Variants in MYCBPAP observed in about 807,000 individuals in gnomAD.
The protein encoded by MYCBPAP is MYCBP-associated protein.
MYCBPAP carries 60 observed loss-of-function variants against 106.1 expected under a neutral mutation model. That is an observed-to-expected ratio of 0.57 (90% CI 0.46 to 0.70). The LOEUF is 0.70. MYCBPAP is among the 30% of genes least tolerant of loss of function. The pLI, the probability that MYCBPAP is intolerant of heterozygous loss-of-function variation, is 0.00. For missense variants in MYCBPAP, 1,064 were observed against 1,169.3 expected (o/e 0.91, Z 1.31); for synonymous variants, 407 against 440.6 (o/e 0.92, Z 0.95).
Position 50,517,523 on chromosome 17 carries a change from C to T in MYCBPAP, c.364+71C>T, listed in dbSNP as rs771506892. 4 of 1,613,660 alleles carry T rather than the reference C, an allele frequency of 2.5e-6. No homozygotes were observed. The South Asian group carries it at 4.4e-5, about 18-fold the overall frequency. Reference sequence around the variant, plus strand: ...GTCAGCCTCAAGAGAAACCCAGTCTCCATCAGAAAGTTGCCCTCTTGAAAG... The same window carrying T: ...GTCAGCCTCAAGAGAAACCCAGTCTTCATCAGAAAGTTGCCCTCTTGAAAG... On this transcript the variant is annotated intron_variant, in intron 3 of 18. Transcript: ENST00000323776.
intron 6 of MYCBPAP, 43 bp downstream of exon 6, chr17:50,519,132 T>A: frequency 1.3e-6 from 1 of 746,148 alleles, no homozygotes; most frequent in Non-Finnish European, 1.9e-6. Flanking sequence ...GGGGGGTCCA[T>A]GGAGGAGGGG....
At chr17:50,522,816 C>T (rs2034323646) in intron 10 of MYCBPAP, 123 bp from the exon 11 acceptor site, 1 of 912,664 alleles carries the variant, frequency 1.1e-6, no homozygotes, top group South Asian at 1.8e-5. Flanking sequence ...TGGCCAAGCC[C>T]TGGAGGCCTG....
Position 50,508,715 on chromosome 17 carries a change from C to T in MYCBPAP, c.41C>T (p.Pro14Leu). The change falls in exon 1 of 19, where the codon CCG becomes CTG. Residue 14 changes from proline to leucine, a missense_variant. Physicochemically the swap from Pro to Leu is moderately conservative, Grantham distance 98. Transcript: ENST00000323776. ...AAGGATTCCCGCCTCAGAATAACTC[C>T]GACCAGATTATTAGAGGCCTCAGAG... ...LKKDSRLRITPTRLLEASENV... is the reference protein window; with the variant it reads ...LKKDSRLRITLTRLLEASENV... The T allele has an allele frequency of 1.2e-6, 2 of 1,611,784 alleles. No homozygotes were observed. The highest frequency in any genetic ancestry group is 1.7e-6 in the Non-Finnish European group (2 of 1,178,910).
At chr17:50,516,522 T>C (rs202221446) in intron 1 of MYCBPAP, 48 bp from the exon 2 acceptor site, 2 of 1,600,340 alleles carry the variant, frequency 1.2e-6, no homozygotes, top group Admixed American at 1.7e-5. Context: ...TATTGATATA[T>C]ACAGAAGGAG....
chr17:50,522,709 A>AAATATATATATATATATATATATAT, intron 10 of MYCBPAP: 2 of 50,014 alleles, frequency 4.0e-5, no homozygotes, highest in Non-Finnish European at 6.8e-5. Context: ...AAAAAAAAAA[A>AAATATATATATATATATATATATAT]ATATATATAT....
intron 3 of MYCBPAP, 35 bp from the exon 4 acceptor site, chr17:50,517,560 C>G: frequency 6.2e-7 from 1 of 1,613,496 alleles, no homozygotes; most frequent in African/African-American, 1.3e-5. Context: ...TGTCCACCCA[C>G]AGCTTCTTTC....
chr17:50,511,771 G>A (rs2033857339), intron 1 of MYCBPAP, among the ~76,000 whole-genome samples: 1 of 152,168 alleles, frequency 6.6e-6, no homozygotes, highest in African/African-American at 2.4e-5. Context: ...AGCTGGGCCT[G>A]TATAGGCTCA....
intron 1 of MYCBPAP, among the ~76,000 whole-genome samples, chr17:50,513,218 C>CA (rs1190873215): frequency 0.33 from 20,315 of 62,462 alleles, 3,313 homozygotes; most frequent in African/African-American, 0.45. Flanking sequence ...AACTCCATCT[C>CA]AAAAAAAAAA....
chr17:50,527,206 C>A (rs2034489969), intron 14 of MYCBPAP, 81 bp from the exon 15 acceptor site: 2 of 1,575,714 alleles, frequency 1.3e-6, no homozygotes, highest in Admixed American at 3.4e-5. Flanking sequence ...CCCCTGCCAC[C>A]CATCCCCACA....
intron 10 of MYCBPAP, chr17:50,522,709 A>AAAATAT: frequency 8.0e-5 from 4 of 50,016 alleles, no homozygotes; most frequent in African/African-American, 4.8e-4. Flanking sequence ...AAAAAAAAAA[A>AAAATAT]ATATATATAT....
rs1385375337 is a variant in MYCBPAP at position 50,508,745 on chromosome 17, T to C, written c.71T>C (p.Val24Ala). ...AGATTATTAGAGGCCTCAGAGAATG[T>C]CAAAGGTTGGCGCTGGCTGCCTTGG... Reference protein sequence around the residue: ...PTRLLEASENVKEKKRAKGPE... With the variant: ...PTRLLEASENAKEKKRAKGPE... The change falls in exon 1 of 19, where the codon GTC becomes GCC. Residue 24 changes from valine to alanine, a missense_variant. Transcript: ENST00000323776. 6.2e-7 allele frequency: 1 copy of C among 1,609,602 alleles called. No homozygotes were observed. The highest frequency in any genetic ancestry group is 8.5e-7 in the Non-Finnish European group (1 of 1,177,754).
rs1191795864 is a variant in MYCBPAP, at chr17:50,522,967, C to A, written c.1286C>A (p.Thr429Asn). ...KRQVGIAAHL[T>N]FETLEGEKTS... The stretch of plus-strand genomic sequence containing the variant: ...CAGGTTGGGATTGCTGCTCACTTGA[C>A]CTTTGAAACCCTAGAAGGCGAGAAA... The change falls in exon 11 of 19, where the codon ACC (threonine) becomes AAC (asparagine). Residue 429 changes from threonine to asparagine, a missense_variant. Transcript: ENST00000323776. 1.9e-6 allele frequency: 3 copies of A among 1,612,640 alleles called. No individual in the cohort carries two copies. Among genetic ancestry groups the A allele is most frequent in the Non-Finnish European group, 2.5e-6 (3 of 1,179,038 alleles).
At chr17:50,520,955 A>C (rs1293020914) in intron 7 of MYCBPAP, 155 bp from the exon 8 acceptor site, 3 of 625,312 alleles carry the variant, frequency 4.8e-6, no homozygotes, top group Non-Finnish European at 8.5e-6. Flanking sequence ...GAGGTATAGG[A>C]CAGGAGAACG....
rs764432022 is a variant in MYCBPAP at position 50,529,219 on chromosome 17, T to G, written c.2724+31T>G. On this transcript the variant is annotated intron_variant, in intron 18 of 18. Transcript: ENST00000323776. ...GGGAAGCGCCCAGCAGCCATTCCCC[T>G]GCCTCCCACCTGCCTTATTCATTCC... 8 of 1,593,680 alleles carry G rather than the reference T, an allele frequency of 5.0e-6. No individual in the cohort carries two copies. The South Asian group carries it at 8.9e-5, about 18-fold the overall frequency.
intron 15 of MYCBPAP, 72 bp from the exon 16 acceptor site, chr17:50,528,083 G>A: frequency 6.1e-6 from 8 of 1,303,596 alleles, no homozygotes; most frequent in Non-Finnish European, 8.7e-6. Flanking sequence ...TTGAAGGGAG[G>A]GACCCAAGCC....
intron 1 of MYCBPAP, chr17:50,515,710 G>T (rs2034023455): frequency 6.6e-6 from 1 of 152,232 alleles, no homozygotes; most frequent in Non-Finnish European, 1.5e-5. Context: ...GGGAACCACT[G>T]ATTTAGTCCA....
At chr17:50,524,711 C>G (rs990432328) in intron 12 of MYCBPAP, among the ~76,000 whole-genome samples, 166 bp from the exon 13 acceptor site, 3 of 138,846 alleles carry the variant, frequency 2.2e-5, no homozygotes, top group African/African-American at 8.8e-5. Context: ...TTAGAACAGG[C>G]GTGTGTGTGT....
At chr17:50,523,518 A>T in intron 11 of MYCBPAP, 79 bp from the exon 12 acceptor site, 1 of 1,451,280 alleles carries the variant, frequency 6.9e-7, no homozygotes, top group Non-Finnish European at 9.6e-7. Context: ...GGACTCAGTT[A>T]ACTGCATGTA....
Position 50,517,588 on chromosome 17 carries a change from C to A in MYCBPAP, c.365-7C>A. ...CTTCTTTCCCCTTTCTTCTTTTATCCTCCCAGGTCCCGGTGACAGCTTCGA... is the reference window on the plus strand; with the variant it reads ...CTTCTTTCCCCTTTCTTCTTTTATCATCCCAGGTCCCGGTGACAGCTTCGA... On this transcript the variant is annotated splice_region_variant and splice_polypyrimidine_tract_variant and intron_variant, in intron 3 of 18. Transcript: ENST00000323776. 1.9e-6 allele frequency: 3 copies of A among 1,614,110 alleles called. No individual in the cohort carries two copies. The highest frequency in any genetic ancestry group is 1.1e-5 in the South Asian group (1 of 91,074).
Sources: gnomAD v4.1 joint callset for allele counts (sites outside exome capture counted in the v4.1 genomes callset) on GRCh38, gnomAD v4.1.1 for gene constraint, MANE v1.5 for transcripts, NCBI Gene and HGNC (gene_info 2026-07-23, HGNC 2026-07-21) for gene names.